EPHA6: variants seen among roughly 807,000 people sequenced by gnomAD.
EPHA6 encodes EPH receptor A6.
A neutral mutation model predicts 112.0 loss-of-function variants in EPHA6; 50 were observed. The ratio of observed to expected loss-of-function variants is 0.45; its 90% CI spans 0.36 to 0.56. The LOEUF (loss-of-function observed/expected upper bound fraction) is 0.56. EPHA6 is among the 20% of genes least tolerant of loss of function. The pLI is 0.00. For synonymous variants in EPHA6, 529 were observed against 490.7 expected (o/e 1.08, Z -1.03); for missense variants, 1,280 against 1,417.4 (o/e 0.90, Z 1.56).
intron 3 of EPHA6, among the ~76,000 whole-genome samples, chr3:97,203,358 A>T (rs1381877021): frequency 6.6e-6 from 1 of 152,124 alleles, no homozygotes. Flanking sequence ...TTAGAGCCAC[A>T]GGAACTCACA....
chr3:97,614,384 G>C (rs1177398791), intron 13 of EPHA6, among the ~76,000 whole-genome samples: 1 of 148,602 alleles, frequency 6.7e-6, no homozygotes, highest in East Asian at 2.0e-4. Flanking sequence ...CACCAGGCTG[G>C]AGTGTAGTGG....
intron 3 of EPHA6, among the ~76,000 whole-genome samples, chr3:97,070,254 C>T (rs1041520103): frequency 6.6e-6 from 1 of 152,038 alleles, no homozygotes; most frequent in Non-Finnish European, 1.5e-5. Flanking sequence ...TCTGTAAGGG[C>T]AGGTACTGAG....
At chr3:97,366,018 TTC>T (rs1424307307) in intron 5 of EPHA6, among the ~76,000 whole-genome samples, 1 of 152,180 alleles carries the variant, frequency 6.6e-6, no homozygotes, top group African/African-American at 2.4e-5. Flanking sequence ...CCATCAAAAT[TTC>T]TCTCTCACAA....
chr3:97,475,816 AGT>A (rs1469136556), intron 8 of EPHA6, among the ~76,000 whole-genome samples: 2 of 152,170 alleles, frequency 1.3e-5, no homozygotes, highest in Non-Finnish European at 2.9e-5. Context: ...TTATAAACCT[AGT>A]GTTATAGAAA....
intron 2 of EPHA6, among the ~76,000 whole-genome samples, chr3:96,897,793 T>C (rs1366563750): frequency 1.3e-5 from 2 of 152,318 alleles, no homozygotes; most frequent in East Asian, 3.9e-4. Flanking sequence ...GTGAGTATGT[T>C]GATTGACAAT....
At chr3:96,894,202 C>T (rs1042638932) in intron 2 of EPHA6, among the ~76,000 whole-genome samples, 3 of 152,064 alleles carry the variant, frequency 2.0e-5, no homozygotes, top group Admixed American at 1.3e-4. Flanking sequence ...AACACACTGC[C>T]AATGTGTTAC....
intron 5 of EPHA6, among the ~76,000 whole-genome samples, chr3:97,366,539 G>A (rs948186017): frequency 1.3e-5 from 2 of 151,950 alleles, no homozygotes; most frequent in Non-Finnish European, 2.9e-5. Flanking sequence ...CTCTGAGTAG[G>A]TTTATTGTTA....
chr3:97,031,372 G>C (rs2108016992), intron 3 of EPHA6, among the ~76,000 whole-genome samples: 1 of 152,200 alleles, frequency 6.6e-6, no homozygotes, highest in South Asian at 2.1e-4. Context: ...ATACCATTCA[G>C]GACATAGGCA....
At chr3:97,301,373 A>G (rs1414105784) in intron 5 of EPHA6, among the ~76,000 whole-genome samples, 1 of 152,120 alleles carries the variant, frequency 6.6e-6, no homozygotes, top group East Asian at 1.9e-4. Context: ...CTTTTTACCT[A>G]TTTAATATTA....
At chr3:96,856,714 A>T (rs1177635681) in intron 1 of EPHA6, among the ~76,000 whole-genome samples, 1 of 152,140 alleles carries the variant, frequency 6.6e-6, no homozygotes, top group Non-Finnish European at 1.5e-5. Flanking sequence ...ATTAAGTGGA[A>T]ATAGATCTAG....
At chr3:96,819,654 T>C (rs1170563545) in intron 1 of EPHA6, among the ~76,000 whole-genome samples, 1 of 152,150 alleles carries the variant, frequency 6.6e-6, no homozygotes, top group African/African-American at 2.4e-5. Context: ...AGTTTGACTT[T>C]GTCCAACATA....
intron 3 of EPHA6, among the ~76,000 whole-genome samples, chr3:97,148,246 G>T (rs2076090261): frequency 6.6e-6 from 1 of 152,064 alleles, no homozygotes; most frequent in South Asian, 2.1e-4. Context: ...GAGGCAGAAA[G>T]ATTGCTTGAG....
At chr3:97,720,622 C>A (rs1470944746) in intron 15 of EPHA6, among the ~76,000 whole-genome samples, 1 of 152,158 alleles carries the variant, frequency 6.6e-6, no homozygotes, top group East Asian at 1.9e-4. Flanking sequence ...CATGTGAGTG[C>A]CTGATGCACA....
chr3:96,962,816 A>G (rs905446444), intron 2 of EPHA6, among the ~76,000 whole-genome samples: 1 of 151,982 alleles, frequency 6.6e-6, no homozygotes, highest in Non-Finnish European at 1.5e-5. Context: ...TTTACCAAAG[A>G]CAAAGGAATA....
chr3:97,159,102 C>A lies in EPHA6; in HGVS notation c.1115-67162C>A, dbSNP rs116829245. 1.5e-3 allele frequency among the ~76,000 whole-genome samples: 226 copies of A among 152,158 alleles called. 1 individual carries two copies. The highest frequency in any genetic ancestry group is 5.3e-3 in the African/African-American group (220 of 41,508). ...ATGAACTGCCTGGACCATTATTAGC[C>A]CTGCCTGGATTAGGTTAATGTTGTT... On this transcript the variant is annotated intron_variant, in intron 3 of 17. Transcript: ENST00000389672.
chr3:97,045,791 G>T (rs1419724460), intron 3 of EPHA6, among the ~76,000 whole-genome samples: 2 of 152,060 alleles, frequency 1.3e-5, no homozygotes, highest in South Asian at 2.1e-4. Flanking sequence ...TTTGACCACT[G>T]CCCTTCTTGA....
Position 97,379,054 on chromosome 3 carries a change from C to T in EPHA6, c.1607-26096C>T, listed in dbSNP as rs541663522. Reference sequence around the variant, plus strand: ...GTCCCCACCCAGATCTCATCTTCAGCTGTACTCCCATAATTGCCACATATT... The same window carrying T: ...GTCCCCACCCAGATCTCATCTTCAGTTGTACTCCCATAATTGCCACATATT... On this transcript the variant is annotated intron_variant, in intron 5 of 17. Transcript: ENST00000389672. Among the ~76,000 whole-genome samples the T allele has an allele frequency of 1.2e-4, 19 of 152,236 alleles. No homozygotes were observed. The South Asian group carries it at 1.7e-3, about 13-fold the overall frequency.
intron 14 of EPHA6, among the ~76,000 whole-genome samples, chr3:97,641,853 A>G (rs889597301): frequency 1.3e-5 from 2 of 151,928 alleles, no homozygotes; most frequent in Non-Finnish European, 2.9e-5. Context: ...GGCGGCAGCG[A>G]GGCTGGGGGA....
At chr3:97,274,495 C>A (rs1475451475) in intron 5 of EPHA6, among the ~76,000 whole-genome samples, 1 of 152,062 alleles carries the variant, frequency 6.6e-6, no homozygotes, top group Non-Finnish European at 1.5e-5. Flanking sequence ...CTCTTTCAGC[C>A]CATACAACAG....
Sources: allele counts gnomAD v4.1 joint callset (sites outside exome capture counted in the v4.1 genomes callset), GRCh38; gene constraint gnomAD v4.1.1; transcripts MANE v1.5; gene names NCBI Gene and HGNC (gene_info 2026-07-23, HGNC 2026-07-21).